Variants in LGR6 observed in about 807,000 individuals in gnomAD.
LGR6 encodes the protein leucine-rich repeat-containing G protein-coupled receptor 6.
In LGR6, 45 loss-of-function variants were observed where a neutral mutation model predicts 69.4. The observed-to-expected ratio is 0.65, with a 90% CI of 0.51 to 0.83. The LOEUF (loss-of-function observed/expected upper bound fraction) is 0.83. LGR6 is among the 40% of genes least tolerant of loss of function. The pLI is 0.00. For missense variants in LGR6, 1,108 were observed against 1,246.7 expected, an observed-to-expected ratio of 0.89 and a Z score of 1.68; for synonymous variants, 538 against 555.0, an observed-to-expected ratio of 0.97 and a Z score of 0.43.
chr1:202,214,326 G>T (rs2147920301), intron 1 of LGR6: 2 of 1,315,144 alleles, frequency 1.5e-6, no homozygotes, highest in South Asian at 1.5e-5. Flanking sequence ...CGACGCGACG[G>T]GTGGGGCGCT....
rs1287361677 is a variant in LGR6, at chr1:202,310,202, T to C, written c.1412T>C (p.Leu471Pro). The C allele has an allele frequency of 6.2e-7, 1 of 1,613,624 alleles. No homozygotes were observed. Among genetic ancestry groups the C allele is most frequent in the Non-Finnish European group, 8.5e-7 (1 of 1,179,826 alleles). ...SKDSFPKLRI[L>P]EVPYAYQCCP... ...GCCTGCCTCTCCCCCACCAGGATCC[T>C]GGAGGTGCCTTATGCCTACCAGTGC... The change falls in exon 16 of 18, where the codon CTG (leucine) becomes CCG (proline). Residue 471 changes from leucine to proline, a missense_variant. Coordinates refer to ENST00000367278, the MANE Select transcript of LGR6 (RefSeq NM_001017403.2).
intron 10 of LGR6, among the ~76,000 whole-genome samples, chr1:202,303,597 A>G (rs1467128564): frequency 6.6e-6 from 1 of 152,082 alleles, no homozygotes; most frequent in Non-Finnish European, 1.5e-5. Context: ...TTCAGGTATT[A>G]ATTTAGAGCT....
At chr1:202,210,557 G>A (rs1422358698) in intron 1 of LGR6, among the ~76,000 whole-genome samples, 1 of 152,204 alleles carries the variant, frequency 6.6e-6, no homozygotes, top group Non-Finnish European at 1.5e-5. Flanking sequence ...GGAGCCCGAG[G>A]TGTGGCTTCC....
In LGR6 at chr1:202,318,254, C is replaced by T. The variant is rs376759754; in HGVS notation, c.1951C>T (p.Leu651Phe). 1 of 1,610,628 alleles carries T rather than the reference C, an allele frequency of 6.2e-7. No individual in the cohort carries two copies. Among genetic ancestry groups the T allele is most frequent in the Non-Finnish European group, 8.5e-7 (1 of 1,178,546 alleles). Residue 651 changes from leucine to phenylalanine, a missense_variant, in exon 18 of 18, where the codon CTT (leucine) becomes TTT (phenylalanine). By Grantham distance (22) the Leu-to-Phe change is conservative. Coordinates refer to ENST00000367278, the MANE Select transcript of LGR6 (RefSeq NM_001017403.2). Reference sequence around the variant, plus strand: ...CCGGGCCACTGGCTTCCTGGCAGTACTTGGGTCGGAGGCATCGGTGCTGCT... The same window carrying T: ...CCGGGCCACTGGCTTCCTGGCAGTATTTGGGTCGGAGGCATCGGTGCTGCT... ...GCRATGFLAVLGSEASVLLLT... is the reference protein window; with the variant it reads ...GCRATGFLAVFGSEASVLLLT...
At position 202,310,214 on chromosome 1, in the gene LGR6, A is replaced by G. The variant is rs773374123; in HGVS notation, c.1424A>G (p.Tyr475Cys). 2.5e-6 allele frequency: 4 copies of G among 1,614,024 alleles called. No individual in the cohort carries two copies. In the South Asian group the frequency reaches 4.4e-5, roughly 18 times the overall value. ...CCCACCAGGATCCTGGAGGTGCCTTATGCCTACCAGTGCTGTCCCTATGGG... is the reference window on the plus strand; with the variant it reads ...CCCACCAGGATCCTGGAGGTGCCTTGTGCCTACCAGTGCTGTCCCTATGGG... ...FPKLRILEVPYAYQCCPYGMC... is the reference protein window; with the variant it reads ...FPKLRILEVPCAYQCCPYGMC... The change falls in exon 16 of 18, where the codon TAT becomes TGT. Residue 475 changes from tyrosine to cysteine, a missense_variant. Physicochemically the swap from Tyr to Cys is radical, Grantham distance 194. Coordinates refer to ENST00000367278, the MANE Select transcript of LGR6 (RefSeq NM_001017403.2).
chr1:202,204,090 A>C (rs947678644), intron 1 of LGR6, among the ~76,000 whole-genome samples: 1 of 152,036 alleles, frequency 6.6e-6, no homozygotes, highest in Admixed American at 6.5e-5. Flanking sequence ...TCTTTGCATC[A>C]GGAGAGGGGA....
chr1:202,294,554 G>A (rs1295824432), intron 6 of LGR6, among the ~76,000 whole-genome samples: 2 of 152,196 alleles, frequency 1.3e-5, no homozygotes, highest in African/African-American at 4.8e-5. Flanking sequence ...CCTTGGTATT[G>A]GTTGTCGGCT....
At chr1:202,267,515 A>G (rs1664768178) in intron 4 of LGR6, among the ~76,000 whole-genome samples, 1 of 152,162 alleles carries the variant, frequency 6.6e-6, no homozygotes, top group Admixed American at 6.5e-5. Flanking sequence ...AATCTTGATA[A>G]GGAGAAGCCT....
At position 202,318,503 on chromosome 1, in the gene LGR6, G is replaced by A. The variant is rs747233640; in HGVS notation, c.2200G>A (p.Val734Met). The A allele has an allele frequency of 8.1e-6, 13 of 1,613,834 alleles. No individual in the cohort carries two copies. The highest frequency in any genetic ancestry group is 3.3e-4 in the Middle Eastern group (2 of 6,084). The change falls in exon 18 of 18, where the codon GTG (valine) becomes ATG (methionine). Residue 734 changes from valine (V) to methionine (M), a missense_variant. Val to Met is a conservative substitution (Grantham distance 21). Coordinates refer to ENST00000367278, the MANE Select transcript of LGR6 (RefSeq NM_001017403.2). ...TCAGCCAGCAGCCCTGGGCTTCACC[G>A]TGGCCCTGGTGATGATGAACTCCTT... ...EGQPAALGFT[V>M]ALVMMNSFCF...
intron 4 of LGR6, among the ~76,000 whole-genome samples, chr1:202,275,742 G>A (rs1223990726): frequency 6.6e-6 from 1 of 152,130 alleles, no homozygotes; most frequent in Non-Finnish European, 1.5e-5. Flanking sequence ...CTTTGGTTCG[G>A]TTCAGAGGGA....
chr1:202,310,692 C>T lies in LGR6; in HGVS notation c.1567+335C>T, dbSNP rs1653654877. On this transcript the variant is annotated intron_variant, in intron 16 of 17. Transcript: ENST00000367278. ...TGTGGTCCACATGTTTCTTCTCCTT[C>T]AACCTCAGGGTATTCTCAGAGAAGA... Among the ~76,000 whole-genome samples the T allele has an allele frequency of 4.6e-5, 7 of 152,158 alleles. No individual in the cohort carries two copies. In the South Asian group the frequency reaches 1.4e-3, roughly 32 times the overall value.
At chr1:202,250,244 A>G (rs1422455631) in intron 4 of LGR6, among the ~76,000 whole-genome samples, 1 of 151,968 alleles carries the variant, frequency 6.6e-6, no homozygotes, top group Non-Finnish European at 1.5e-5. Context: ...GCCTTTTCTG[A>G]TTCATTCAGC....
intron 4 of LGR6, among the ~76,000 whole-genome samples, chr1:202,239,902 A>G (rs1448470788): frequency 6.6e-6 from 1 of 152,206 alleles, no homozygotes; most frequent in Non-Finnish European, 1.5e-5. Flanking sequence ...GATTTAATAT[A>G]CATAAAAGAA....
At chr1:202,298,813 G>T (rs554979121) in intron 7 of LGR6, 1 of 152,102 alleles carries the variant, frequency 6.6e-6, no homozygotes. Flanking sequence ...GAGCCACTGC[G>T]CCCGGCCAGC....
Position 202,303,335 on chromosome 1 carries a change from G to A in LGR6, c.986G>A (p.Ser329Asn), listed in dbSNP as rs1386847288. The change falls in exon 10 of 18, where the codon AGC (serine) becomes AAC (asparagine). Residue 329 changes from serine (S) to asparagine (N), a missense_variant. By Grantham distance (46) the Ser-to-Asn change is conservative. Coordinates refer to ENST00000367278, the MANE Select transcript of LGR6 (RefSeq NM_001017403.2). ...TTTCCAGATCTCAAAGGCACCACCA[G>A]CCTGGAGATCCTGTGAGTGGCTTCT... Reference protein sequence around the residue: ...QEFPDLKGTTSLEILTLTRAG... With the variant: ...QEFPDLKGTTNLEILTLTRAG... 2 of 1,613,486 alleles carry A rather than the reference G, an allele frequency of 1.2e-6. No homozygotes were observed. The highest frequency in any genetic ancestry group is 1.3e-5 in the African/African-American group (1 of 74,888).
At chr1:202,265,214 C>T (rs968758109) in intron 4 of LGR6, among the ~76,000 whole-genome samples, 8 of 152,172 alleles carry the variant, frequency 5.3e-5, no homozygotes, top group African/African-American at 1.9e-4. Context: ...GTGGAGTTCT[C>T]ACTCCAGCTT....
chr1:202,249,240 G>A (rs1051493668), intron 4 of LGR6, among the ~76,000 whole-genome samples: 1 of 152,108 alleles, frequency 6.6e-6, no homozygotes, highest in Non-Finnish European at 1.5e-5. Context: ...GATTGCATAG[G>A]AGCATGTGAT....
In LGR6 at chr1:202,311,096, C is replaced by T. The variant is rs534866565; in HGVS notation, c.1567+739C>T. ...GGCAGATAAAAGGGCTTCCCTCTCC[C>T]CCTGCCCGTATTACAGAACACAAGC... On this transcript the variant is annotated intron_variant, in intron 16 of 17. Coordinates refer to ENST00000367278, the MANE Select transcript of LGR6 (RefSeq NM_001017403.2). Among the ~76,000 whole-genome samples, 51 of 152,118 alleles carry T rather than the reference C, an allele frequency of 3.4e-4. 1 individual carries two copies. Among genetic ancestry groups the T allele is most frequent in the African/African-American group, 1.2e-3 (48 of 41,494 alleles).
chr1:202,241,013 G>A (rs1004406524), intron 4 of LGR6, among the ~76,000 whole-genome samples: 2 of 152,232 alleles, frequency 1.3e-5, no homozygotes, highest in Admixed American at 6.5e-5. Context: ...GGGCAGACAA[G>A]TTCAGGGCCT....
Sources: allele counts gnomAD v4.1 joint callset (sites outside exome capture counted in the v4.1 genomes callset), GRCh38; gene constraint gnomAD v4.1.1; transcripts MANE v1.5; gene names NCBI Gene and HGNC (gene_info 2026-07-23, HGNC 2026-07-21).